PEBP4: variants seen among roughly 807,000 people sequenced by gnomAD.
PEBP4 encodes the protein phosphatidylethanolamine-binding protein 4.
A neutral mutation model predicts 23.9 loss-of-function variants in PEBP4; 22 were observed. The observed-to-expected ratio is 0.92, with a 90% CI of 0.66 to 1.31. The LOEUF is 1.31. Among genes scored for constraint, PEBP4 ranks in the 40% most tolerant of loss-of-function variants. The pLI is 0.00. For synonymous variants in PEBP4, 112 were observed against 99.3 expected (o/e 1.13, Z -0.76); for missense variants, 324 against 281.7 (o/e 1.15, Z -1.07).
chr8:22,810,505 G>A (rs895503383), intron 4 of PEBP4, among the ~76,000 whole-genome samples: 12 of 152,044 alleles, frequency 7.9e-5, no homozygotes, highest in Non-Finnish European at 1.6e-4. Flanking sequence ...TGAAAAGCCC[G>A]GGTTCCTCAT....
chr8:22,847,593 T>C (rs1257551291), intron 3 of PEBP4, among the ~76,000 whole-genome samples: 5 of 152,190 alleles, frequency 3.3e-5, no homozygotes, highest in Non-Finnish European at 7.3e-5. Flanking sequence ...TGCTTTACTT[T>C]GAAGGCTAAA....
In PEBP4 at chr8:22,713,476, G is replaced by C; in HGVS notation, c.578C>G (p.Thr193Ser). 1 of 1,614,134 alleles carries C rather than the reference G, an allele frequency of 6.2e-7. No individual in the cohort carries two copies. The highest frequency in any genetic ancestry group is 8.5e-7 in the Non-Finnish European group (1 of 1,180,014). Residue 193 changes from threonine to serine, a missense_variant, in exon 7 of 7, where the codon ACC becomes AGC. Transcript: ENST00000256404. ...RFHLGEPEAS[T>S]QFMTQNYQDS... is the part of the protein sequence containing the mutation. ...CTGGTAGTTCTGGGTCATGAACTGG[G>C]TGCTTGCTTCAGGTTCGCCCAGGTG...
chr8:22,887,130 G>C (rs1018083922), intron 3 of PEBP4: 2 of 151,850 alleles, frequency 1.3e-5, no homozygotes, highest in African/African-American at 4.8e-5. Flanking sequence ...GTGTGTGTGT[G>C]TGTGTATTTC....
At chr8:22,872,090 C>T (rs1295531781) in intron 3 of PEBP4, among the ~76,000 whole-genome samples, 1 of 152,188 alleles carries the variant, frequency 6.6e-6, no homozygotes, top group African/African-American at 2.4e-5. Context: ...ATCCAAGTTG[C>T]TGTGAAAGAC....
intron 4 of PEBP4, among the ~76,000 whole-genome samples, chr8:22,776,179 C>T (rs979762950): frequency 1.1e-4 from 16 of 152,200 alleles, no homozygotes; most frequent in African/African-American, 2.9e-4. Context: ...GAAATGCTGA[C>T]GCCAGCGCTC....
chr8:22,929,608 G>A (rs1354835606), upstream of PEBP4, among the ~76,000 whole-genome samples: 1 of 152,216 alleles, frequency 6.6e-6, no homozygotes, highest in Non-Finnish European at 1.5e-5. Context: ...ACAGCACAGT[G>A]ACATTAGTTA....
chr8:22,714,051 C>T (rs1435487741), intron 6 of PEBP4, among the ~76,000 whole-genome samples: 2 of 152,254 alleles, frequency 1.3e-5, no homozygotes, highest in African/African-American at 4.8e-5. Flanking sequence ...ACCCCAAACA[C>T]CTCCTCGTCT....
At chr8:22,913,077 C>A (rs1278077271) in intron 3 of PEBP4, among the ~76,000 whole-genome samples, 1 of 152,204 alleles carries the variant, frequency 6.6e-6, no homozygotes, top group Admixed American at 6.5e-5. Flanking sequence ...ACTACAAATC[C>A]ATCTCTTTCT....
chr8:22,765,345 T>C (rs1805589577), intron 4 of PEBP4, among the ~76,000 whole-genome samples: 1 of 152,120 alleles, frequency 6.6e-6, no homozygotes, highest in African/African-American at 2.4e-5. Context: ...GGTTTCACCA[T>C]ATTGGCCAGG....
chr8:22,815,745 C>T (rs968218229), intron 4 of PEBP4, among the ~76,000 whole-genome samples: 2 of 152,180 alleles, frequency 1.3e-5, no homozygotes, highest in Non-Finnish European at 2.9e-5. Flanking sequence ...CTGTCACCTG[C>T]CACCTGTTCT....
chr8:22,727,490 T>A (rs571551486), intron 4 of PEBP4, among the ~76,000 whole-genome samples: 4 of 151,982 alleles, frequency 2.6e-5, no homozygotes, highest in Admixed American at 6.6e-5. Flanking sequence ...GGGGGGCAAA[T>A]GGACACCTTC....
intron 3 of PEBP4, among the ~76,000 whole-genome samples, chr8:22,829,600 G>T (rs1331249805): frequency 6.6e-6 from 1 of 152,080 alleles, no homozygotes; most frequent in East Asian, 1.9e-4. Flanking sequence ...AAGCTGAGTG[G>T]CTCAGGCCCC....
chr8:22,925,271 C>A, intron 2 of PEBP4: 2 of 985,356 alleles, frequency 2.0e-6, no homozygotes, highest in Non-Finnish European at 2.4e-6. Context: ...AGACTGGGGG[C>A]CTGCTGGTGT....
At chr8:22,903,548 G>A (rs919565697) in intron 3 of PEBP4, among the ~76,000 whole-genome samples, 2 of 152,168 alleles carry the variant, frequency 1.3e-5, no homozygotes, top group Non-Finnish European at 2.9e-5. Context: ...GGGAGGGAGT[G>A]CGTGAAGGGT....
chr8:22,938,880 T>A (rs968079216), intron 1 of PEBP4, among the ~76,000 whole-genome samples: 4 of 152,188 alleles, frequency 2.6e-5, no homozygotes, highest in African/African-American at 9.7e-5. Flanking sequence ...GCTTAATAAA[T>A]CGTTACATAA....
At chr8:22,884,435 A>T (rs1808330658) in intron 3 of PEBP4, 1 of 152,232 alleles carries the variant, frequency 6.6e-6, no homozygotes, top group South Asian at 2.1e-4. Context: ...TTAGAATGTC[A>T]GGATGTGCAT....
At chr8:22,808,568 C>T (rs1054845870) in intron 4 of PEBP4, among the ~76,000 whole-genome samples, 2 of 152,194 alleles carry the variant, frequency 1.3e-5, no homozygotes, top group African/African-American at 4.8e-5. Flanking sequence ...GGCAGCAGCA[C>T]AGCGGGACTG....
Position 22,924,987 on chromosome 8 carries a change from C to G in PEBP4, c.131+2597G>C, listed in dbSNP as rs561772247. On this transcript the variant is annotated intron_variant, in intron 2 of 6. Transcript: ENST00000256404. ...AGTTCCCTGGTAGACCAAATGCCCA[C>G]AAGAGGAGTGCCTTCTCTGGGGGAT... The G allele has an allele frequency of 8.1e-6, 8 of 985,392 alleles. No homozygotes were observed. In the Admixed American group the frequency reaches 3.7e-4, roughly 45 times the overall value. The allele number at this position is 985,392 out of a possible 1,614,324, so 61.0% of individuals were successfully genotyped here.
chr8:22,821,463 T>C (rs531220553), intron 3 of PEBP4, among the ~76,000 whole-genome samples: 8 of 152,198 alleles, frequency 5.3e-5, no homozygotes, highest in Non-Finnish European at 5.9e-5. Context: ...TTGGTGATAA[T>C]GAAGCCATGG....
Sources: gnomAD v4.1 joint callset for allele counts (sites outside exome capture counted in the v4.1 genomes callset) on GRCh38, gnomAD v4.1.1 for gene constraint, MANE v1.5 for transcripts, NCBI Gene and HGNC (gene_info 2026-07-23, HGNC 2026-07-21) for gene names.